The following HPD variants were observed in gnomAD, a reference collection of about 807,000 sequenced individuals.
HPD encodes 4-hydroxyphenylpyruvic acid oxidase.
A neutral mutation model predicts 56.9 loss-of-function variants in HPD; 35 were observed. The observed-to-expected ratio is 0.62, with a 90% CI of 0.47 to 0.82. The LOEUF is 0.82. Ranked by LOEUF, HPD falls within the 40% of genes least tolerant of loss-of-function variation. The pLI is 0.00. For missense variants in HPD, 442 were observed against 506.8 expected (o/e 0.87, Z 1.23); for synonymous variants, 186 against 200.2 (o/e 0.93, Z 0.60).
the HPD span, among the ~76,000 whole-genome samples, chr12:121,875,709 AGCCACT>A: frequency 6.6e-6 from 1 of 152,114 alleles, no homozygotes; most frequent in African/African-American, 2.4e-5. Flanking sequence ...TACAGGCATG[AGCCACT>A]GCACCTGGCC....
the HPD span, among the ~76,000 whole-genome samples, chr12:121,884,603 G>T: frequency 1.6e-4 from 16 of 100,356 alleles, no homozygotes; most frequent in African/African-American, 8.1e-4. Flanking sequence ...CACTGCACCT[G>T]TATCTCTCTC....
At chr12:121,855,359 G>C (rs1015065600) in intron 6 of HPD, among the ~76,000 whole-genome samples, 2 of 152,168 alleles carry the variant, frequency 1.3e-5, no homozygotes, top group East Asian at 3.9e-4. Context: ...GCTCTGGAAC[G>C]CACACTCTGA....
intron 9 of HPD, 109 bp downstream of exon 9, chr12:121,848,890 G>A: frequency 1.1e-6 from 1 of 879,060 alleles, no homozygotes. Context: ...ACGGGTGTGA[G>A]CCACTGCACC....
At chr12:121,855,632 G>A (rs189420094) in intron 6 of HPD, among the ~76,000 whole-genome samples, 1,659 of 151,954 alleles carry the variant, frequency 0.011, 20 homozygotes, top group Middle Eastern at 0.02. Flanking sequence ...CAGGAGAATC[G>A]CTTGAACCCA....
chr12:121,849,876 C>G, intron 7 of HPD, 86 bp from the exon 8 acceptor site: 1 of 859,946 alleles, frequency 1.2e-6, no homozygotes, highest in Non-Finnish European at 2.0e-6. Flanking sequence ...AACGTAGCCC[C>G]GGGTTCCAAC....
the HPD span, among the ~76,000 whole-genome samples, chr12:121,869,674 A>G: frequency 0.84 from 127,140 of 151,176 alleles, 53,558 homozygotes; most frequent in Middle Eastern, 0.91. Flanking sequence ...AAAGGCGCCC[A>G]CCACCAGGCC....
the HPD span, among the ~76,000 whole-genome samples, chr12:121,868,864 A>G: frequency 1.3e-5 from 2 of 151,730 alleles, no homozygotes; most frequent in Admixed American, 6.6e-5. Flanking sequence ...TTTATTATTG[A>G]GCTATAAGAG....
chr12:121,858,400 G>A (rs1225440070), intron 2 of HPD, among the ~76,000 whole-genome samples: 1 of 152,084 alleles, frequency 6.6e-6, no homozygotes, highest in Admixed American at 6.6e-5. Context: ...GACCAGGCTG[G>A]TCTCGAACTC....
intron 9 of HPD, among the ~76,000 whole-genome samples, chr12:121,847,633 G>T (rs1877631774): frequency 6.6e-6 from 1 of 152,182 alleles, no homozygotes; most frequent in African/African-American, 2.4e-5. Context: ...CACTTCCTGG[G>T]TCCAGGCGAT....
At chr12:121,866,398 G>A (rs1297863445), upstream of HPD, among the ~76,000 whole-genome samples, 3 of 149,552 alleles carry the variant, frequency 2.0e-5, no homozygotes, top group Admixed American at 2.0e-4. Context: ...AAAAAGGCAC[G>A]GAGCAGTGTA....
At chr12:121,884,813 T>C in the HPD span, among the ~76,000 whole-genome samples, 1 of 152,176 alleles carries the variant, frequency 6.6e-6, no homozygotes, top group African/African-American at 2.4e-5. Context: ...AATTTACATT[T>C]ACAAATAATT....
upstream of HPD, among the ~76,000 whole-genome samples, chr12:121,862,596 C>CTTTT (rs146807602): frequency 4.6e-5 from 2 of 43,092 alleles, no homozygotes; most frequent in Non-Finnish European, 7.5e-5. Flanking sequence ...CGCTCTCGGC[C>CTTTT]TTTTTTTTTT....
chr12:121,871,244 A>G, the HPD span, among the ~76,000 whole-genome samples: 1 of 152,008 alleles, frequency 6.6e-6, no homozygotes, highest in African/African-American at 2.4e-5. Flanking sequence ...GCACACCTGT[A>G]GTCCTAGCTG....
In HPD at chr12:121,839,802, C is replaced by T. The variant is rs142321451; in HGVS notation, c.1108G>A (p.Ala370Thr). 118 of 1,614,062 alleles carry T rather than the reference C, an allele frequency of 7.3e-5. No individual in the cohort carries two copies. The highest frequency in any genetic ancestry group is 9.5e-5 in the Non-Finnish European group (112 of 1,180,040). The stretch of plus-strand genomic sequence containing the variant: ...CGCAGGTTCTGCTCCTCCTCGAAAG[C>T]CTTGAACAGTGAGTTGAAGTTGCCG... ...GAGNFNSLFKAFEEEQNLRGN... is the reference protein window; with the variant it reads ...GAGNFNSLFKTFEEEQNLRGN... The change falls in exon 14 of 14, where the codon GCT becomes ACT. Residue 370 changes from alanine to threonine, a missense_variant. Coordinates refer to ENST00000289004, the MANE Select transcript of HPD (RefSeq NM_002150.3).
intron 3 of HPD, 61 bp downstream of exon 3, chr12:121,857,696 C>G: frequency 7.1e-7 from 1 of 1,418,434 alleles, no homozygotes; most frequent in Non-Finnish European, 1.0e-6. Context: ...GAGGCCTGCC[C>G]TTGTCAGGCA....
At chr12:121,847,326 C>A in intron 9 of HPD, 112 bp from the exon 10 acceptor site, 3 of 899,068 alleles carry the variant, frequency 3.3e-6, no homozygotes, top group Non-Finnish European at 5.5e-6. Context: ...AAAGGAGATG[C>A]CACTGCCATC....
upstream of HPD, among the ~76,000 whole-genome samples, chr12:121,859,407 C>T (rs1056969107): frequency 2.8e-4 from 42 of 152,112 alleles, no homozygotes; most frequent in African/African-American, 8.7e-4. Context: ...GAGATAAGCA[C>T]GCTCTTTGGA....
upstream of HPD, among the ~76,000 whole-genome samples, chr12:121,859,487 C>CATG (rs550396244): frequency 1.7e-3 from 262 of 152,286 alleles, no homozygotes; most frequent in Middle Eastern, 3.4e-3. Flanking sequence ...ATTCCTAGGC[C>CATG]ATGAGGTCAG....
At chr12:121,857,478 G>C (rs368081343) in intron 3 of HPD, 46 bp from the exon 4 acceptor site, 2 of 1,403,546 alleles carry the variant, frequency 1.4e-6, no homozygotes, top group African/African-American at 2.8e-5. Flanking sequence ...CAAGGGGCCA[G>C]CATGGGGGAC....
Sources: gnomAD v4.1 joint callset for allele counts (sites outside exome capture counted in the v4.1 genomes callset) on GRCh38, gnomAD v4.1.1 for gene constraint, MANE v1.5 for transcripts, NCBI Gene and HGNC (gene_info 2026-07-23, HGNC 2026-07-21) for gene names.